Variants in RHOBTB1 observed in about 807,000 individuals in gnomAD.
RHOBTB1 encodes rho-related BTB domain-containing protein 1.
A neutral mutation model predicts 71.6 loss-of-function variants in RHOBTB1; 40 were observed. That is an observed-to-expected ratio of 0.56 (90% CI 0.43 to 0.73). The LOEUF (loss-of-function observed/expected upper bound fraction) is 0.73, where lower values mean the gene tolerates loss of function less well. Among genes scored for constraint, RHOBTB1 ranks in the 30% least tolerant of loss-of-function variants. The probability of loss-of-function intolerance (pLI) is 0.00; values close to 1 mark genes in which losing one functional copy is unlikely to be tolerated. For synonymous variants in RHOBTB1, 319 were observed against 334.9 expected (o/e 0.95, Z 0.52); for missense variants, 797 against 894.0 (o/e 0.89, Z 1.38).
intron 4 of RHOBTB1, among the ~76,000 whole-genome samples, chr10:60,910,433 T>C (rs892192979): frequency 1.3e-5 from 2 of 152,186 alleles, no homozygotes; most frequent in African/African-American, 4.8e-5. Flanking sequence ...ATAAAAATAA[T>C]AGACTTTTCA....
chr10:60,949,217 T>C (rs1312452303), intron 2 of RHOBTB1, among the ~76,000 whole-genome samples: 2 of 152,248 alleles, frequency 1.3e-5, no homozygotes, highest in East Asian at 1.9e-4. Flanking sequence ...AAGGTGCTTC[T>C]GAGTCAGACA....
At chr10:60,969,308 A>G (rs945281045) in intron 2 of RHOBTB1, among the ~76,000 whole-genome samples, 4 of 152,154 alleles carry the variant, frequency 2.6e-5, no homozygotes, top group African/African-American at 9.7e-5. Context: ...TCACTCTGAT[A>G]TAGCAGCCAC....
chr10:60,896,693 T>C (rs1336072205), intron 4 of RHOBTB1, among the ~76,000 whole-genome samples: 1 of 152,210 alleles, frequency 6.6e-6, no homozygotes, highest in Non-Finnish European at 1.5e-5. Context: ...CCACGGAATG[T>C]TTATATCTTA....
intron 7 of RHOBTB1, among the ~76,000 whole-genome samples, chr10:60,881,636 T>C (rs2081333079): frequency 1.3e-5 from 2 of 152,164 alleles, no homozygotes; most frequent in African/African-American, 4.8e-5. Flanking sequence ...TGGGAGGAAT[T>C]TGGAATAGAT....
intron 2 of RHOBTB1, among the ~76,000 whole-genome samples, chr10:60,914,893 A>C (rs1438831947): frequency 6.6e-6 from 1 of 152,178 alleles, no homozygotes; most frequent in Non-Finnish European, 1.5e-5. Context: ...AAAGGTGCTG[A>C]CCCTTGTGCA....
intron 2 of RHOBTB1, among the ~76,000 whole-genome samples, chr10:60,956,993 G>A (rs1454508852): frequency 6.6e-6 from 1 of 152,130 alleles, no homozygotes; most frequent in Non-Finnish European, 1.5e-5. Flanking sequence ...CTAAGAATGT[G>A]CTATCATGAT....
At chr10:60,932,409 G>A (rs2084307657) in intron 2 of RHOBTB1, among the ~76,000 whole-genome samples, 1 of 150,518 alleles carries the variant, frequency 6.6e-6, no homozygotes, top group Non-Finnish European at 1.5e-5. Context: ...CTTGATCTAG[G>A]TGCCAGTTAC....
intron 2 of RHOBTB1, among the ~76,000 whole-genome samples, chr10:60,969,080 T>A (rs959451589): frequency 2.0e-5 from 3 of 152,100 alleles, no homozygotes; most frequent in African/African-American, 7.2e-5. Context: ...ACTGAGTAAG[T>A]GAGATGACAG....
chr10:60,953,556 T>C (rs2134420798), intron 2 of RHOBTB1, among the ~76,000 whole-genome samples: 1 of 152,364 alleles, frequency 6.6e-6, no homozygotes, highest in Admixed American at 6.5e-5. Context: ...ATATGCCATG[T>C]ACTGTGAAGA....
chr10:60,972,630 C>T (rs1200012764), intron 2 of RHOBTB1, among the ~76,000 whole-genome samples: 1 of 151,924 alleles, frequency 6.6e-6, no homozygotes, highest in Non-Finnish European at 1.5e-5. Flanking sequence ...CACGTGTATG[C>T]CTATGTAACA....
intron 7 of RHOBTB1, among the ~76,000 whole-genome samples, chr10:60,880,105 C>T (rs2081248299): frequency 6.6e-6 from 1 of 151,680 alleles, no homozygotes; most frequent in Non-Finnish European, 1.5e-5. Context: ...GGAATTTGAG[C>T]ACTCATGGAT....
Position 60,888,396 on chromosome 10 carries a change from A to G in RHOBTB1, c.1272T>C (p.Asp424=). The change falls in exon 6 of 11, where the codon GAT becomes GAC. Residue 424 remains aspartate, a synonymous_variant. Coordinates refer to ENST00000337910, the MANE Select transcript of RHOBTB1 (RefSeq NM_014836.5). ...LLQFLYTGQL[D]EKEKDLVGLA... is the part of the protein sequence containing the mutation. ...GGCCCACCAAATCCTTTTCCTTTTC[A>G]TCCAGTTGTCCCGTATAAAGAAACT... The G allele has an allele frequency of 6.2e-7, 1 of 1,614,046 alleles. No individual in the cohort carries two copies. Among genetic ancestry groups the G allele is most frequent in the Non-Finnish European group, 8.5e-7 (1 of 1,180,004 alleles).
chr10:60,897,989 C>A (rs917464933), intron 4 of RHOBTB1, among the ~76,000 whole-genome samples: 1 of 152,184 alleles, frequency 6.6e-6, no homozygotes, highest in Non-Finnish European at 1.5e-5. Context: ...CAGGCATGAG[C>A]CACCGCGCCT....
At chr10:60,873,155 C>T (rs559193181) in intron 9 of RHOBTB1, among the ~76,000 whole-genome samples, 1 of 152,344 alleles carries the variant, frequency 6.6e-6, no homozygotes, top group Admixed American at 6.5e-5. Flanking sequence ...ACATCAGAGA[C>T]AGTTTTAGCT....
chr10:60,918,555 G>A (rs1284181253), intron 2 of RHOBTB1, among the ~76,000 whole-genome samples: 2 of 152,098 alleles, frequency 1.3e-5, no homozygotes. Context: ...TTGATTTCAG[G>A]CAAGCGTGCA....
intron 2 of RHOBTB1, among the ~76,000 whole-genome samples, chr10:60,974,417 G>T (rs1269161428): frequency 2.0e-5 from 3 of 152,024 alleles, no homozygotes; most frequent in African/African-American, 7.2e-5. Flanking sequence ...AAGATAAGGA[G>T]AATACAATGA....
intron 1 of RHOBTB1, among the ~76,000 whole-genome samples, chr10:60,942,288 T>C (rs1223480010): frequency 6.6e-6 from 1 of 152,250 alleles, no homozygotes; most frequent in Non-Finnish European, 1.5e-5. Context: ...GTTGTATTTG[T>C]ATAGCTTATA....
intron 2 of RHOBTB1, among the ~76,000 whole-genome samples, chr10:60,972,531 G>A (rs1424713109): frequency 1.3e-5 from 2 of 152,038 alleles, no homozygotes; most frequent in African/African-American, 4.8e-5. Context: ...ACTGGGGCCT[G>A]TCGGGGCATG....
intron 1 of RHOBTB1, among the ~76,000 whole-genome samples, chr10:60,988,533 A>C (rs77498605): frequency 3.3e-5 from 5 of 151,856 alleles, no homozygotes; most frequent in African/African-American, 1.2e-4. Context: ...TTTAGCTCCC[A>C]CTCATAAGTG....
Sources: gnomAD v4.1 joint callset for allele counts (sites outside exome capture counted in the v4.1 genomes callset) on GRCh38, gnomAD v4.1.1 for gene constraint, MANE v1.5 for transcripts, NCBI Gene and HGNC (gene_info 2026-07-23, HGNC 2026-07-21) for gene names.